The following TTC3 variants were observed in gnomAD, a reference collection of about 807,000 sequenced individuals.
TTC3 encodes the protein E3 ubiquitin-protein ligase TTC3.
TTC3 carries 180 observed loss-of-function variants against 249.6 expected under a neutral mutation model. That is an observed-to-expected ratio of 0.72 (90% CI 0.64 to 0.82). TTC3 has a LOEUF of 0.82. TTC3 is among the 40% of genes least tolerant of loss of function. TTC3 has a pLI of 0.00. For missense variants in TTC3, 2,061 were observed against 2,398.4 expected, an observed-to-expected ratio of 0.86 and a Z score of 2.94; for synonymous variants, 717 against 805.0, an observed-to-expected ratio of 0.89 and a Z score of 1.85.
chr21:37,151,774 T>G (rs745920115), intron 25 of TTC3, 119 bp from the exon 26 acceptor site: 20 of 1,152,152 alleles, frequency 1.7e-5, no homozygotes, highest in Non-Finnish European at 2.3e-5. Context: ...GAATGGAAGA[T>G]GTAGGCCGGG....
intron 1 of TTC3, chr21:37,081,717 C>G (rs1407178001): frequency 6.6e-6 from 1 of 151,948 alleles, no homozygotes; most frequent in Non-Finnish European, 1.5e-5. Flanking sequence ...TTTTTTATCT[C>G]TTTGTTTCTC....
chr21:37,127,196 G>A (rs373754702), intron 15 of TTC3, among the ~76,000 whole-genome samples: 1 of 152,172 alleles, frequency 6.6e-6, no homozygotes, highest in East Asian at 1.9e-4. Flanking sequence ...ATTCATGAGG[G>A]GACAGCCTCA....
At chr21:37,085,068 T>C (rs985325666) in intron 1 of TTC3, among the ~76,000 whole-genome samples, 18 of 152,070 alleles carry the variant, frequency 1.2e-4, no homozygotes, top group African/African-American at 4.3e-4. Flanking sequence ...GTACAATTGG[T>C]GCTGTGTGTG....
intron 20 of TTC3, among the ~76,000 whole-genome samples, chr21:37,143,430 A>C (rs1398070965): frequency 6.6e-6 from 1 of 152,176 alleles, no homozygotes; most frequent in African/African-American, 2.4e-5. Context: ...AAAGTGGGCA[A>C]AGGATATGAA....
exon 18 of TTC3, chr21:37,135,398 A>C: frequency 6.2e-7 from 1 of 1,611,948 alleles, no homozygotes; most frequent in East Asian, 2.2e-5. Context: ...TAATATAATG[A>C]AAATGCTGAG....
chr21:37,076,511 C>G (rs1169997376), intron 1 of TTC3, among the ~76,000 whole-genome samples: 1 of 152,052 alleles, frequency 6.6e-6, no homozygotes, highest in Non-Finnish European at 1.5e-5. Context: ...GTTTCTAGAT[C>G]ATTACATTCC....
chr21:37,114,044 G>T (rs1321986717), intron 11 of TTC3, among the ~76,000 whole-genome samples: 1 of 152,072 alleles, frequency 6.6e-6, no homozygotes, highest in African/African-American at 2.4e-5. Flanking sequence ...AATTCAAGAT[G>T]GATTAAAGAC....
chr21:37,163,081 G>A (rs1427869203), intron 31 of TTC3, among the ~76,000 whole-genome samples: 2 of 152,160 alleles, frequency 1.3e-5, no homozygotes, highest in African/African-American at 4.8e-5. Flanking sequence ...CCATAGCATA[G>A]CCTTTACTGA....
At position 37,147,484 on chromosome 21, in the gene TTC3, C is replaced by G. The variant is rs140675030; in HGVS notation, c.1897C>G (p.Leu633Val). 5 of 1,603,568 alleles carry G rather than the reference C, an allele frequency of 3.1e-6. No homozygotes were observed. In the African/African-American group the frequency reaches 6.7e-5, roughly 22 times the overall value. ...ATTTTTGTTTATTTTGTTTTAGATG[C>G]TGTTAGAGAAATTTGTTGAAGAATG... The change falls in exon 22 of 46, where the codon CTG becomes GTG. Residue 633 changes from leucine (L) to valine (V), a missense_variant. By Grantham distance (32) the Leu-to-Val change is conservative. This residue lies in a region of TTC3 where 989 missense variants were observed against 1,145.1 expected (regional missense o/e 0.86). Transcript: ENST00000355666.
intron 10 of TTC3, among the ~76,000 whole-genome samples, chr21:37,105,172 TAG>T (rs1454257523): frequency 1.3e-5 from 2 of 152,094 alleles, no homozygotes; most frequent in Non-Finnish European, 1.5e-5. Context: ...TCACTAACCT[TAG>T]GGGGAGCTGT....
rs200671657 is a variant in TTC3 at position 37,091,237 on chromosome 21, A to T, written c.481-56A>T. On this transcript the variant is annotated intron_variant, in intron 6 of 45. Transcript: ENST00000355666. ...GCATAAGATGAATTTATAATGCCAC[A>T]TGCAAATTTAGAATTAATAACCAAA... 669 of 1,559,534 alleles carry T rather than the reference A, an allele frequency of 4.3e-4. 1 individual carries two copies. Among genetic ancestry groups the T allele is most frequent in the Non-Finnish European group, 5.6e-4 (638 of 1,147,074 alleles).
chr21:37,116,938 A>G (rs941291486), intron 11 of TTC3, among the ~76,000 whole-genome samples: 1 of 152,202 alleles, frequency 6.6e-6, no homozygotes, highest in African/African-American at 2.4e-5. Context: ...AAGTAGAATC[A>G]GAATTTGAAG....
chr21:37,103,188 T>C (rs1301692556), intron 10 of TTC3, among the ~76,000 whole-genome samples: 1 of 152,196 alleles, frequency 6.6e-6, no homozygotes, highest in Non-Finnish European at 1.5e-5. Context: ...AACTGTTCTT[T>C]ACAAGCATCA....
intron 22 of TTC3, 65 bp downstream of exon 22, chr21:37,147,668 A>C: frequency 6.5e-7 from 1 of 1,541,328 alleles, no homozygotes; most frequent in South Asian, 1.3e-5. Context: ...GGCTCAAAAC[A>C]ATCTGTAATT....
At chr21:37,155,722 C>T (rs2079994126) in intron 27 of TTC3, among the ~76,000 whole-genome samples, 1 of 152,130 alleles carries the variant, frequency 6.6e-6, no homozygotes, top group Admixed American at 6.5e-5. Flanking sequence ...TGGGGCTTCA[C>T]CGTCATTTCA....
Position 37,083,699 on chromosome 21 carries a change from T to G in TTC3, c.-11-3548T>G, listed in dbSNP as rs28666643. On this transcript the variant is annotated intron_variant, in intron 1 of 45. Coordinates refer to ENST00000355666, the Ensembl canonical transcript of TTC3. ...GAGGAAAGAACTTCATTTCATATGT[T>G]TGTTTTTGAGGAAAAGATGTTTGTT... 0.35 allele frequency: 53,606 copies of G among 152,106 alleles called. 10,957 individuals are homozygous for G. The highest frequency in any genetic ancestry group is 0.47 in the Non-Finnish European group (31,928 of 68,066). The allele number at this position is 152,106 out of a possible 1,614,324, so 9.4% of individuals were successfully genotyped here.
intron 35 of TTC3, among the ~76,000 whole-genome samples, chr21:37,173,736 T>G (rs922319965): frequency 6.6e-6 from 1 of 152,166 alleles, no homozygotes; most frequent in Non-Finnish European, 1.5e-5. Flanking sequence ...AGGGTCAGTT[T>G]GTAAAGGTAA....
intron 34 of TTC3, among the ~76,000 whole-genome samples, chr21:37,170,823 G>T (rs1433868780): frequency 1.3e-5 from 2 of 152,116 alleles, no homozygotes; most frequent in Admixed American, 1.3e-4. Context: ...AAGAGAAATT[G>T]AAAATCATCT....
intron 10 of TTC3, among the ~76,000 whole-genome samples, chr21:37,102,516 GGCCTTAA>G (rs1342842289): frequency 6.6e-6 from 1 of 152,166 alleles, no homozygotes; most frequent in Non-Finnish European, 1.5e-5. Context: ...TTGGAGAACA[GGCCTTAA>G]GTCTGATAGT....
Sources: gnomAD v4.1 joint callset for allele counts (sites outside exome capture counted in the v4.1 genomes callset) on GRCh38, gnomAD v4.1.1 for gene constraint, gnomAD v4.1.1 regional missense constraint, MANE v1.5 for transcripts, NCBI Gene and HGNC (gene_info 2026-07-23, HGNC 2026-07-21) for gene names.